KCND2: variants seen among roughly 807,000 people sequenced by gnomAD.
KCND2 encodes potassium voltage-gated channel subfamily D member 2.
KCND2 carries 16 observed loss-of-function variants against 54.4 expected under a neutral mutation model. The ratio of observed to expected loss-of-function variants is 0.29; its 90% CI spans 0.20 to 0.45. The LOEUF is 0.45. KCND2 is among the 20% of genes least tolerant of loss of function. KCND2 has a pLI of 1.00. For missense variants in KCND2, 486 were observed against 824.2 expected, an observed-to-expected ratio of 0.59 and a Z score of 5.02; for synonymous variants, 317 against 310.7, an observed-to-expected ratio of 1.02 and a Z score of -0.21.
intron 1 of KCND2, among the ~76,000 whole-genome samples, chr7:120,718,353 G>A (rs1333347508): frequency 1.3e-5 from 2 of 152,040 alleles, no homozygotes; most frequent in Non-Finnish European, 2.9e-5. Flanking sequence ...GTCAAATGTG[G>A]CCCATCTCCT....
At chr7:120,517,578 A>T (rs1803214612) in intron 1 of KCND2, among the ~76,000 whole-genome samples, 1 of 152,130 alleles carries the variant, frequency 6.6e-6, no homozygotes, top group African/African-American at 2.4e-5. Flanking sequence ...TGAACCTCTC[A>T]GTGTACAAAG....
At chr7:120,424,729 C>T (rs886646981) in intron 1 of KCND2, among the ~76,000 whole-genome samples, 1 of 152,080 alleles carries the variant, frequency 6.6e-6, no homozygotes, top group African/African-American at 2.4e-5. Flanking sequence ...ACATTTGAAC[C>T]TAGCTACTAG....
chr7:120,418,845 C>G (rs1801566161), intron 1 of KCND2, among the ~76,000 whole-genome samples: 1 of 152,116 alleles, frequency 6.6e-6, no homozygotes. Flanking sequence ...AATTGTTCCA[C>G]CAAACAAATA....
At chr7:120,725,122 A>C (rs758304203) in intron 1 of KCND2, among the ~76,000 whole-genome samples, 1 of 152,188 alleles carries the variant, frequency 6.6e-6, no homozygotes, top group Non-Finnish European at 1.5e-5. Context: ...CACAAGCTAA[A>C]GAACGCAGTC....
At chr7:120,289,486 T>G (rs1799404328) in intron 1 of KCND2, among the ~76,000 whole-genome samples, 1 of 152,048 alleles carries the variant, frequency 6.6e-6, no homozygotes, top group Non-Finnish European at 1.5e-5. Context: ...GAAGCAAGTC[T>G]GAATTTTGAA....
chr7:120,689,078 A>G (rs1037028637), intron 1 of KCND2, among the ~76,000 whole-genome samples: 11 of 152,178 alleles, frequency 7.2e-5, no homozygotes, highest in Admixed American at 6.6e-4. Flanking sequence ...CATGGCTATA[A>G]TACACACAGA....
At chr7:120,440,435 G>C (rs1464891346) in intron 1 of KCND2, among the ~76,000 whole-genome samples, 2 of 151,930 alleles carry the variant, frequency 1.3e-5, no homozygotes, top group African/African-American at 4.8e-5. Context: ...CTATACTGTA[G>C]GTTGTCTCTG....
intron 1 of KCND2, among the ~76,000 whole-genome samples, chr7:120,671,322 G>C (rs1435298157): frequency 6.6e-6 from 1 of 152,018 alleles, no homozygotes; most frequent in Non-Finnish European, 1.5e-5. Context: ...AGAATCTAAT[G>C]CTGTTTCTGA....
At chr7:120,481,075 C>G (rs532736915) in intron 1 of KCND2, among the ~76,000 whole-genome samples, 3 of 152,166 alleles carry the variant, frequency 2.0e-5, no homozygotes, top group Admixed American at 2.0e-4. Context: ...GCTGGTAGAA[C>G]GCCATACCAA....
At chr7:120,318,481 T>A (rs1024243079) in intron 1 of KCND2, among the ~76,000 whole-genome samples, 3 of 152,138 alleles carry the variant, frequency 2.0e-5, no homozygotes, top group African/African-American at 7.2e-5. Context: ...TCAATACTTT[T>A]ATAATACTTT....
intron 2 of KCND2, among the ~76,000 whole-genome samples, chr7:120,737,718 G>A (rs1156943552): frequency 2.0e-5 from 3 of 151,962 alleles, no homozygotes; most frequent in African/African-American, 7.2e-5. Context: ...CTCAAACTGA[G>A]GCATTTTACT....
intron 1 of KCND2, among the ~76,000 whole-genome samples, chr7:120,576,522 A>T (rs76100015): frequency 6.6e-6 from 1 of 151,950 alleles, no homozygotes; most frequent in Non-Finnish European, 1.5e-5. Context: ...GAGCATGAAA[A>T]TTTTTAAAGT....
intron 1 of KCND2, among the ~76,000 whole-genome samples, chr7:120,279,008 C>CTGCCAT (rs1343651289): frequency 6.6e-6 from 1 of 151,800 alleles, no homozygotes; most frequent in East Asian, 1.9e-4. Context: ...ACTCTAGTTA[C>CTGCCAT]TGCCATTAAC....
intron 1 of KCND2, among the ~76,000 whole-genome samples, chr7:120,558,520 G>A (rs771254488): frequency 2.0e-5 from 3 of 152,122 alleles, no homozygotes; most frequent in Non-Finnish European, 4.4e-5. Flanking sequence ...ATATATCTGT[G>A]CATAACTGGA....
intron 1 of KCND2, among the ~76,000 whole-genome samples, chr7:120,386,360 A>G (rs1800987468): frequency 6.6e-6 from 1 of 152,032 alleles, no homozygotes; most frequent in Admixed American, 6.6e-5. Context: ...TTGCCCATGC[A>G]TTTCTCCTCT....
At chr7:120,284,636 G>T (rs769188353) in intron 1 of KCND2, among the ~76,000 whole-genome samples, 2 of 152,074 alleles carry the variant, frequency 1.3e-5, no homozygotes, top group Non-Finnish European at 2.9e-5. Context: ...TGCTAGGCTC[G>T]TTAGAAATCA....
intron 1 of KCND2, among the ~76,000 whole-genome samples, chr7:120,590,077 G>C (rs1420398434): frequency 6.6e-6 from 1 of 152,032 alleles, no homozygotes; most frequent in Non-Finnish European, 1.5e-5. Flanking sequence ...TGCAATGGCG[G>C]CGAACTCGAT....
chr7:120,742,665 A>G lies in KCND2; in HGVS notation c.1467+63A>G, dbSNP rs1792957589. 4.0e-6 allele frequency: 5 copies of G among 1,238,104 alleles called. No homozygotes were observed. In the East Asian group the frequency reaches 9.3e-5, roughly 23 times the overall value. The allele number at this position is 1,238,104 out of a possible 1,614,324, so 76.7% of individuals were successfully genotyped here. ...ACAGTAATTCCATTTGCTTTTGTGC[A>G]TACTTAATGCTTCCGAGTGTGATTT... is the stretch of plus-strand genomic sequence containing the variant. On this transcript the variant is annotated intron_variant, in intron 4 of 5. Coordinates refer to ENST00000331113, the MANE Select transcript of KCND2 (RefSeq NM_012281.3).
At position 120,739,798 on chromosome 7, in the gene KCND2, A is replaced by AACACACAC. The variant is rs10571787; in HGVS notation, c.1279-1709_1279-1702dup. 5.3e-3 allele frequency among the ~76,000 whole-genome samples: 757 copies of AACACACAC among 144,050 alleles called. 6 individuals are homozygous for AACACACAC. Among genetic ancestry groups the AACACACAC allele is most frequent in the African/African-American group, 0.013 (531 of 40,004 alleles). 94.5% of individuals were successfully genotyped at this position (144,050 alleles called of 152,430 possible). A position where few individuals can be genotyped will look rare whatever the true frequency, so the allele number is the denominator to read the frequency against. On this transcript the variant is annotated intron_variant, in intron 2 of 5. Transcript: ENST00000331113. ...AAATTTGGTAAGACTTAACAAAAGA[A>AACACACAC]ACACACACACACACACACACACACA...
Sources: allele counts gnomAD v4.1 joint callset (sites outside exome capture counted in the v4.1 genomes callset), GRCh38; gene constraint gnomAD v4.1.1; transcripts MANE v1.5; gene names NCBI Gene and HGNC (gene_info 2026-07-23, HGNC 2026-07-21).